PIK3CB: variants seen among roughly 807,000 people sequenced by gnomAD.
PIK3CB encodes phosphatidylinositol 4,5-bisphosphate 3-kinase catalytic subunit beta isoform.
In PIK3CB, 39 loss-of-function variants were observed where a neutral mutation model predicts 136.8. That is an observed-to-expected ratio of 0.29 (90% confidence interval 0.22 to 0.37). The LOEUF (loss-of-function observed/expected upper bound fraction) is 0.37, where lower values mean the gene tolerates loss of function less well. Among genes scored for constraint, PIK3CB ranks in the 10% least tolerant of loss-of-function variants. The pLI, the probability that PIK3CB is intolerant of heterozygous loss-of-function variation, is 1.00. For missense variants in PIK3CB, 868 were observed against 1,275.4 expected, an observed-to-expected ratio of 0.68 and a Z score of 4.87; for synonymous variants, 428 against 436.6, an observed-to-expected ratio of 0.98 and a Z score of 0.25.
At chr3:138,687,382 C>T (rs985240730) in intron 16 of PIK3CB, among the ~76,000 whole-genome samples, 6 of 152,314 alleles carry the variant, frequency 3.9e-5, no homozygotes, top group Non-Finnish European at 8.8e-5. Flanking sequence ...TATGGCCTAA[C>T]AGGCTTTGGC....
chr3:138,832,381 C>T (rs1352650985), intron 1 of PIK3CB, among the ~76,000 whole-genome samples: 1 of 151,898 alleles, frequency 6.6e-6, no homozygotes, highest in Non-Finnish European at 1.5e-5. Context: ...AATACAATTC[C>T]AGTTTAAACC....
At chr3:138,697,638 G>T (rs1221120941) in intron 13 of PIK3CB, among the ~76,000 whole-genome samples, 2 of 152,048 alleles carry the variant, frequency 1.3e-5, no homozygotes, top group Admixed American at 6.6e-5. Context: ...TTGCCATGTT[G>T]CCCAGGCTGG....
intron 17 of PIK3CB, among the ~76,000 whole-genome samples, chr3:138,684,263 C>T (rs922171602): frequency 6.6e-6 from 1 of 152,062 alleles, no homozygotes; most frequent in Non-Finnish European, 1.5e-5. Context: ...CAAATTCACT[C>T]AAGACAAGAT....
intron 8 of PIK3CB, among the ~76,000 whole-genome samples, chr3:138,724,551 T>G (rs546809497): frequency 1.3e-5 from 2 of 152,174 alleles, no homozygotes; most frequent in Non-Finnish European, 2.9e-5. Flanking sequence ...GGTGTGGAGC[T>G]GAAAGTTCCA....
At chr3:138,661,046 G>T (rs1334760019) in intron 21 of PIK3CB, among the ~76,000 whole-genome samples, 1 of 152,136 alleles carries the variant, frequency 6.6e-6, no homozygotes, top group Admixed American at 6.5e-5. Flanking sequence ...TTTGATGAGG[G>T]TCAACTATAC....
intron 4 of PIK3CB, among the ~76,000 whole-genome samples, chr3:138,744,603 AT>A (rs1255041930): frequency 6.6e-6 from 1 of 151,888 alleles, no homozygotes; most frequent in Non-Finnish European, 1.5e-5. Flanking sequence ...ATACATCATA[AT>A]TTCTGACTTC....
chr3:138,728,338 A>G (rs144135227), intron 8 of PIK3CB, among the ~76,000 whole-genome samples: 194 of 152,288 alleles, frequency 1.3e-3, no homozygotes, highest in South Asian at 4.6e-3. Context: ...AGAACACACC[A>G]ATATTCCTCA....
intron 19 of PIK3CB, among the ~76,000 whole-genome samples, chr3:138,676,764 T>G (rs2043653046): frequency 6.6e-6 from 1 of 152,202 alleles, no homozygotes; most frequent in Non-Finnish European, 1.5e-5. Context: ...CATATTGTGT[T>G]TCCATTTATA....
At chr3:138,729,418 T>A (rs2044920580) in intron 8 of PIK3CB, among the ~76,000 whole-genome samples, 1 of 152,162 alleles carries the variant, frequency 6.6e-6, no homozygotes, top group Non-Finnish European at 1.5e-5. Context: ...TTATTCTGGG[T>A]GATTTTGGAT....
chr3:138,779,938 G>A (rs990719254), intron 2 of PIK3CB, among the ~76,000 whole-genome samples: 22 of 151,904 alleles, frequency 1.4e-4, no homozygotes, highest in African/African-American at 5.1e-4. Context: ...AAGTTCTACT[G>A]AAATTTAAAT....
intron 1 of PIK3CB, among the ~76,000 whole-genome samples, chr3:138,831,897 G>A (rs1418094663): frequency 1.3e-5 from 2 of 152,128 alleles, no homozygotes; most frequent in Non-Finnish European, 2.9e-5. Flanking sequence ...CCAGCCTGGC[G>A]ACAGAGAGAG....
At chr3:138,756,386 C>T (rs1243414553) in intron 3 of PIK3CB, among the ~76,000 whole-genome samples, 1 of 152,050 alleles carries the variant, frequency 6.6e-6, no homozygotes, top group Non-Finnish European at 1.5e-5. Flanking sequence ...TTTCATATTT[C>T]ACTTTCCTGT....
chr3:138,757,660 G>A (rs1447218052), intron 3 of PIK3CB, among the ~76,000 whole-genome samples: 1 of 143,026 alleles, frequency 7.0e-6, no homozygotes, highest in Non-Finnish European at 1.5e-5. Context: ...GGGAGAGGAA[G>A]GAGGGGAGGT....
chr3:138,822,061 T>C (rs1479484092), intron 1 of PIK3CB, among the ~76,000 whole-genome samples: 1 of 151,672 alleles, frequency 6.6e-6, no homozygotes, highest in African/African-American at 2.4e-5. Context: ...TCGCTTGAGC[T>C]CAGGAGGTCC....
intron 1 of PIK3CB, among the ~76,000 whole-genome samples, chr3:138,809,694 G>C (rs753843982): frequency 6.6e-6 from 1 of 151,712 alleles, no homozygotes; most frequent in South Asian, 2.1e-4. Context: ...AAGAGGAAGC[G>C]AGAATGGACT....
At position 138,719,736 on chromosome 3, in the gene PIK3CB, T is replaced by G. The variant is rs556379293; in HGVS notation, c.1051-5017A>C. On this transcript the variant is annotated intron_variant, in intron 8 of 23. Coordinates refer to ENST00000674063, the MANE Select transcript of PIK3CB (RefSeq NM_006219.3). Reference sequence around the variant, plus strand: ...ATCATCAATGTCTGTATCAGCTCTGTATCATCTCCAGAGAAGTCTTTCAAG... The same window carrying G: ...ATCATCAATGTCTGTATCAGCTCTGGATCATCTCCAGAGAAGTCTTTCAAG... Among the ~76,000 whole-genome samples the G allele has an allele frequency of 2.0e-5, 3 of 152,308 alleles. No individual in the cohort carries two copies. In the East Asian group the frequency reaches 5.8e-4, roughly 29 times the overall value.
chr3:138,753,042 G>C (rs1404851557), intron 4 of PIK3CB, among the ~76,000 whole-genome samples: 2 of 152,024 alleles, frequency 1.3e-5, no homozygotes, highest in Non-Finnish European at 2.9e-5. Context: ...GGGTAACACA[G>C]TAAGATTCCA....
intron 8 of PIK3CB, among the ~76,000 whole-genome samples, chr3:138,728,591 C>T (rs2044894998): frequency 6.6e-6 from 1 of 151,858 alleles, no homozygotes; most frequent in Admixed American, 6.6e-5. Flanking sequence ...TCCTGGCTAA[C>T]ATGGTGAAAC....
Position 138,665,382 on chromosome 3 carries a change from C to T in PIK3CB, c.2505-179G>A, listed in dbSNP as rs143266636. On this transcript the variant is annotated intron_variant, in intron 19 of 23. Coordinates refer to ENST00000674063, the MANE Select transcript of PIK3CB (RefSeq NM_006219.3). ...CCAAAGGAGTAAATCTCTTGGCCAACAGAAGGAGTAATTTACAAGGATTCC... is the reference window on the plus strand; with the variant it reads ...CCAAAGGAGTAAATCTCTTGGCCAATAGAAGGAGTAATTTACAAGGATTCC... Among the ~76,000 whole-genome samples the T allele has an allele frequency of 2.9e-3, 436 of 152,258 alleles. 2 individuals are homozygous for T. The highest frequency in any genetic ancestry group is 0.01 in the African/African-American group (417 of 41,536).
Sources: gnomAD v4.1 joint callset for allele counts (sites outside exome capture counted in the v4.1 genomes callset) on GRCh38, gnomAD v4.1.1 for gene constraint, MANE v1.5 for transcripts, NCBI Gene and HGNC (gene_info 2026-07-23, HGNC 2026-07-21) for gene names.